The following CHST15 variants were observed in gnomAD, a reference collection of about 807,000 sequenced individuals.
CHST15 encodes the protein B cell RAG associated protein (GALNAC4S-6ST).
CHST15 carries 30 observed loss-of-function variants against 53.6 expected under a neutral mutation model. The observed-to-expected ratio is 0.56, with a 90% confidence interval of 0.42 to 0.76. The LOEUF (loss-of-function observed/expected upper bound fraction) is 0.76, where lower values mean the gene tolerates loss of function less well. CHST15 is among the 30% of genes least tolerant of loss of function. The probability of loss-of-function intolerance (pLI) is 0.00; values close to 1 mark genes in which losing one functional copy is unlikely to be tolerated. For synonymous variants in CHST15, 296 were observed against 289.8 expected, an observed-to-expected ratio of 1.02 and a Z score of -0.22; for missense variants, 627 against 740.5, an observed-to-expected ratio of 0.85 and a Z score of 1.78.
intron 1 of CHST15, among the ~76,000 whole-genome samples, chr10:124,085,183 A>G (rs1949379316): frequency 6.6e-6 from 1 of 152,236 alleles, no homozygotes; most frequent in African/African-American, 2.4e-5. Flanking sequence ...CATACTTTAT[A>G]TTTTTAATGC....
chr10:124,009,462 AT>A lies in CHST15; in HGVS notation c.*686del. On this transcript the variant is annotated 3_prime_UTR_variant, in exon 8 of 8. Coordinates refer to ENST00000435907, the MANE Select transcript of CHST15 (RefSeq NM_001270764.2). Reference sequence around the variant, plus strand: ...TGAAGGTGCTGCCAAAAACTGACTTATTTTTTTCCTTTTGGAAACAGTGACG... The same window carrying A: ...TGAAGGTGCTGCCAAAAACTGACTTATTTTTTCCTTTTGGAAACAGTGACG... 1.0e-6 allele frequency: 1 copy of A among 988,172 alleles called. No homozygotes were observed. Among genetic ancestry groups the A allele is most frequent in the Non-Finnish European group, 1.2e-6 (1 of 831,734 alleles). The allele number at this position is 988,172 out of a possible 1,614,324, so 61.2% of individuals were successfully genotyped here.
At chr10:124,085,053 T>C (rs1053742147) in intron 1 of CHST15, among the ~76,000 whole-genome samples, 43 of 152,212 alleles carry the variant, frequency 2.8e-4, no homozygotes, top group Admixed American at 2.8e-3. Flanking sequence ...GGGTTTGGTG[T>C]GTACATTTGG....
chr10:124,034,322 T>C (rs1947337791), intron 5 of CHST15, among the ~76,000 whole-genome samples: 1 of 152,140 alleles, frequency 6.6e-6, no homozygotes, highest in Non-Finnish European at 1.5e-5. Context: ...GACCATGCTG[T>C]GAACTGTGAG....
intron 6 of CHST15, chr10:124,020,465 C>G (rs1260258432): frequency 2.0e-6 from 2 of 985,534 alleles, no homozygotes; most frequent in Non-Finnish European, 2.4e-6. Flanking sequence ...TGCTGCCTCC[C>G]AGATCCCACG....
intron 1 of CHST15, among the ~76,000 whole-genome samples, chr10:124,089,944 T>C (rs1949557074): frequency 6.6e-6 from 1 of 152,198 alleles, no homozygotes; most frequent in African/African-American, 2.4e-5. Flanking sequence ...TTCTACATCA[T>C]GGCAATTCAT....
chr10:124,023,202 G>A (rs1377527495), intron 5 of CHST15, among the ~76,000 whole-genome samples: 2 of 152,054 alleles, frequency 1.3e-5, no homozygotes, highest in African/African-American at 2.4e-5. Context: ...ATAAATGTCA[G>A]GGCCAGGCAC....
At position 124,081,755 on chromosome 10, in the gene CHST15, C is replaced by T. The variant is rs143129647; in HGVS notation, c.-513+11714G>A. Among the ~76,000 whole-genome samples the T allele has an allele frequency of 5.9e-3, 903 of 152,250 alleles. 1 individual carries two copies. Among genetic ancestry groups the T allele is most frequent in the Non-Finnish European group, 0.01 (704 of 68,022 alleles). ...ACACAGCCGCCCTGTGGGACCACACCCCCAGGCCATGCAAGAAACCTGGCC... is the reference window on the plus strand; with the variant it reads ...ACACAGCCGCCCTGTGGGACCACACTCCCAGGCCATGCAAGAAACCTGGCC... On this transcript the variant is annotated intron_variant, in intron 1 of 7. Coordinates refer to ENST00000435907, the MANE Select transcript of CHST15 (RefSeq NM_001270764.2).
intron 5 of CHST15, 135 bp from the exon 6 acceptor site, chr10:124,021,547 T>C: frequency 6.9e-7 from 1 of 1,442,604 alleles, no homozygotes; most frequent in Admixed American, 2.5e-5. Flanking sequence ...CTTCTTTCCC[T>C]TGCAGATGAG....
Position 124,045,740 on chromosome 10 carries a change from C to T in CHST15, c.473G>A (p.Ser158Asn), listed in dbSNP as rs1391561473. ...CGTGAACTCAATCCTAGTTGTGATGCTGTTGATAATTAATTTAATGCTTGG... is the reference window on the plus strand; with the variant it reads ...CGTGAACTCAATCCTAGTTGTGATGTTGTTGATAATTAATTTAATGCTTGG... ...DYPSIKLIIN[S>N]ITTRIEFTTR... Residue 158 changes from serine (S) to asparagine (N), a missense_variant, in exon 2 of 8, where the codon AGC (serine) becomes AAC (asparagine). Coordinates refer to ENST00000435907, the MANE Select transcript of CHST15 (RefSeq NM_001270764.2). 1.2e-6 allele frequency: 2 copies of T among 1,613,972 alleles called. No individual in the cohort carries two copies. The highest frequency in any genetic ancestry group is 1.3e-5 in the African/African-American group (1 of 74,906).
Position 124,023,301 on chromosome 10 carries a change from A to G in CHST15, c.1191-1889T>C, listed in dbSNP as rs983509387. On this transcript the variant is annotated intron_variant, in intron 5 of 7. Transcript: ENST00000435907. ...GGAGTTCAAGTCCAGCCCAGGCAAC[A>G]TAGTGAAACCTTGTCTCTACTAAAA... 5.3e-5 allele frequency among the ~76,000 whole-genome samples: 8 copies of G among 151,962 alleles called. No homozygotes were observed. In the South Asian group the frequency reaches 1.5e-3, roughly 28 times the overall value.
chr10:124,010,465 A>G, intron 7 of CHST15, 126 bp from the exon 8 acceptor site: 1 of 1,397,794 alleles, frequency 7.2e-7, no homozygotes. Context: ...ATATTTAGGG[A>G]TTAAAATTCT....
At chr10:124,068,515 CA>C (rs2134144382) in intron 1 of CHST15, among the ~76,000 whole-genome samples, 1 of 152,294 alleles carries the variant, frequency 6.6e-6, no homozygotes, top group South Asian at 2.1e-4. Flanking sequence ...GGGCCGGGTA[CA>C]TGTCCAGTCT....
At chr10:124,043,512 A>G (rs1947819203) in intron 3 of CHST15, among the ~76,000 whole-genome samples, 1 of 152,252 alleles carries the variant, frequency 6.6e-6, no homozygotes, top group Admixed American at 6.5e-5. Flanking sequence ...CTTCTAGTCA[A>G]CCTGAGTCCA....
chr10:124,046,296 A>G lies in CHST15; in HGVS notation c.-84T>C. ...TCTGGATGTCCGCAAGTCGTGCTAG[A>G]AAACCTTAAGAATGCCTTGTGATCA... On this transcript the variant is annotated 5_prime_UTR_variant, in exon 2 of 8. Coordinates refer to ENST00000435907, the MANE Select transcript of CHST15 (RefSeq NM_001270764.2). The G allele has an allele frequency of 7.4e-7, 1 of 1,353,004 alleles. No homozygotes were observed. The allele number at this position is 1,353,004 out of a possible 1,614,324, so 83.8% of individuals were successfully genotyped here. A position where few individuals can be genotyped will look rare whatever the true frequency, so the allele number is the denominator to read the frequency against.
chr10:124,051,304 AC>A (rs1948186530), intron 1 of CHST15, among the ~76,000 whole-genome samples: 1 of 152,186 alleles, frequency 6.6e-6, no homozygotes, highest in East Asian at 1.9e-4. Flanking sequence ...AGAATAGTTT[AC>A]TATGTATAAC....
chr10:124,076,302 T>C (rs1205970035), intron 1 of CHST15, among the ~76,000 whole-genome samples: 1 of 152,246 alleles, frequency 6.6e-6, no homozygotes, highest in Admixed American at 6.5e-5. Context: ...CATTAGAGAA[T>C]GTTGGTCCTT....
At chr10:124,037,874 A>C (rs1053119671) in intron 5 of CHST15, among the ~76,000 whole-genome samples, 2 of 152,216 alleles carry the variant, frequency 1.3e-5, no homozygotes, top group Non-Finnish European at 2.9e-5. Context: ...CCACGTGGAG[A>C]AGCTTACACC....
intron 1 of CHST15, among the ~76,000 whole-genome samples, chr10:124,052,926 A>G (rs370273761): frequency 6.6e-6 from 1 of 152,198 alleles, no homozygotes; most frequent in East Asian, 1.9e-4. Context: ...CACACTACTC[A>G]GGAGGCTGAG....
chr10:124,076,763 G>T (rs1949086199), intron 1 of CHST15, among the ~76,000 whole-genome samples: 2 of 150,346 alleles, frequency 1.3e-5, no homozygotes, highest in East Asian at 3.9e-4. Context: ...AGGCTGGAGT[G>T]CAGTGGTGCG....
Sources: gnomAD v4.1 joint callset for allele counts (sites outside exome capture counted in the v4.1 genomes callset) on GRCh38, gnomAD v4.1.1 for gene constraint, MANE v1.5 for transcripts, NCBI Gene and HGNC (gene_info 2026-07-23, HGNC 2026-07-21) for gene names.